The following TAFA2 variants were observed in gnomAD, a reference collection of about 807,000 sequenced individuals.
TAFA2 encodes the protein TAFA chemokine like family member 2.
Under a neutral mutation model 18.8 loss-of-function variants are expected in TAFA2, and 7 were observed. That is an observed-to-expected ratio of 0.37 (90% confidence interval 0.21 to 0.70). The LOEUF (loss-of-function observed/expected upper bound fraction) is 0.70. Ranked by LOEUF, TAFA2 falls within the 30% of genes least tolerant of loss-of-function variation. The pLI is 0.53. For synonymous variants in TAFA2, 60 were observed against 54.2 expected, an observed-to-expected ratio of 1.11 and a Z score of -0.47; for missense variants, 122 against 158.1, an observed-to-expected ratio of 0.77 and a Z score of 1.23.
chr12:61,898,554 G>A (rs1299643268), intron 1 of TAFA2, among the ~76,000 whole-genome samples: 1 of 152,150 alleles, frequency 6.6e-6, no homozygotes, highest in African/African-American at 2.4e-5. Context: ...CCAAGGCTTG[G>A]GGCTTCCACC....
chr12:61,978,529 G>A (rs1047198231), intron 1 of TAFA2, among the ~76,000 whole-genome samples: 1 of 151,904 alleles, frequency 6.6e-6, no homozygotes, highest in South Asian at 2.1e-4. Context: ...GAAGTACCAC[G>A]GGGGATGCAG....
At chr12:61,800,522 C>T (rs1043321025) in intron 2 of TAFA2, among the ~76,000 whole-genome samples, 19 of 152,228 alleles carry the variant, frequency 1.2e-4, no homozygotes, top group Non-Finnish European at 2.2e-4. Context: ...AGCAAATACT[C>T]AGGAAATTGG....
intron 1 of TAFA2, chr12:62,258,287 T>C (rs922153338): frequency 6.6e-6 from 1 of 152,218 alleles, no homozygotes; most frequent in African/African-American, 2.4e-5. Context: ...AAATCTGATG[T>C]ATAATTCAAA....
At chr12:61,773,906 T>G (rs73324041) in intron 2 of TAFA2, among the ~76,000 whole-genome samples, 1 of 151,228 alleles carries the variant, frequency 6.6e-6, no homozygotes, top group South Asian at 2.1e-4. Flanking sequence ...ATCTGCAGAG[T>G]TGACAGACAA....
At chr12:61,842,229 G>A (rs908125261) in intron 2 of TAFA2, among the ~76,000 whole-genome samples, 11 of 151,688 alleles carry the variant, frequency 7.3e-5, no homozygotes, top group Non-Finnish European at 1.6e-4. Context: ...CAAAAATATG[G>A]TATATGGTAT....
intron 1 of TAFA2, among the ~76,000 whole-genome samples, chr12:62,114,043 A>T (rs942321562): frequency 6.6e-6 from 1 of 152,160 alleles, no homozygotes; most frequent in Admixed American, 6.6e-5. Context: ...GGGTGTGAAA[A>T]AAAACCTCCT....
At chr12:62,153,921 A>ATTATATTATGTTATGTTATG (rs1197679735) in intron 1 of TAFA2, among the ~76,000 whole-genome samples, 23 of 124,126 alleles carry the variant, frequency 1.9e-4, no homozygotes, top group African/African-American at 7.3e-4. Context: ...ACATAACAAA[A>ATTATATTATGTTATGTTATG]TTATGTTATG....
chr12:62,235,263 C>G (rs1292762001), intron 1 of TAFA2: 2 of 659,984 alleles, frequency 3.0e-6, no homozygotes, highest in Admixed American at 2.3e-5. Flanking sequence ...CTGTGGCCCC[C>G]CTTCATCCAC....
intron 2 of TAFA2, among the ~76,000 whole-genome samples, chr12:61,828,253 T>C (rs1872594670): frequency 1.3e-5 from 2 of 151,918 alleles, no homozygotes; most frequent in Non-Finnish European, 2.9e-5. Context: ...AATAATCTGA[T>C]AACACAGCAA....
chr12:61,931,459 C>A (rs896020093), intron 1 of TAFA2, among the ~76,000 whole-genome samples: 1 of 152,182 alleles, frequency 6.6e-6, no homozygotes, highest in African/African-American at 2.4e-5. Flanking sequence ...AAATTGGATA[C>A]CTTTTAATGT....
At chr12:62,040,781 G>T (rs945207206) in intron 1 of TAFA2, among the ~76,000 whole-genome samples, 2 of 152,116 alleles carry the variant, frequency 1.3e-5, no homozygotes, top group Non-Finnish European at 2.9e-5. Context: ...ACACTAAGAG[G>T]CCATGTTTAA....
chr12:61,735,596 T>C (rs1166393300), intron 4 of TAFA2, among the ~76,000 whole-genome samples: 1 of 152,038 alleles, frequency 6.6e-6, no homozygotes, highest in East Asian at 1.9e-4. Flanking sequence ...GCTACCATTA[T>C]TGAGTAACTT....
At chr12:62,199,274 T>C (rs1335611237) in intron 1 of TAFA2, among the ~76,000 whole-genome samples, 1 of 152,186 alleles carries the variant, frequency 6.6e-6, no homozygotes, top group East Asian at 1.9e-4. Flanking sequence ...ACATGTACCA[T>C]TGTGGTTTGC....
chr12:62,230,112 AT>A (rs1298267103), intron 1 of TAFA2, among the ~76,000 whole-genome samples: 1 of 149,148 alleles, frequency 6.7e-6, no homozygotes, highest in Non-Finnish European at 1.5e-5. Context: ...TTTGGGTCTA[AT>A]TTTTTTTCTT....
intron 1 of TAFA2, among the ~76,000 whole-genome samples, chr12:61,928,258 C>T (rs1460441956): frequency 6.6e-6 from 1 of 152,096 alleles, no homozygotes; most frequent in Non-Finnish European, 1.5e-5. Context: ...TGCAATCTAT[C>T]CATCTGACAA....
chr12:62,206,541 T>C (rs1283438363), intron 1 of TAFA2, among the ~76,000 whole-genome samples: 1 of 152,188 alleles, frequency 6.6e-6, no homozygotes, highest in East Asian at 1.9e-4. Flanking sequence ...AACTTTTTTT[T>C]TTTTGAGACA....
At chr12:61,815,449 G>A (rs1400576536) in intron 2 of TAFA2, among the ~76,000 whole-genome samples, 1 of 151,148 alleles carries the variant, frequency 6.6e-6, no homozygotes, top group African/African-American at 2.5e-5. Flanking sequence ...GGCGGATCAC[G>A]AGGTCAGGTG....
At chr12:61,940,291 T>C (rs941984518) in intron 1 of TAFA2, among the ~76,000 whole-genome samples, 4 of 152,186 alleles carry the variant, frequency 2.6e-5, no homozygotes, top group Non-Finnish European at 4.4e-5. Context: ...TTCTTAATAG[T>C]TTGTGAACAA....
chr12:61,998,029 A>G (rs1880257687), intron 1 of TAFA2, among the ~76,000 whole-genome samples: 2 of 152,148 alleles, frequency 1.3e-5, no homozygotes, highest in South Asian at 4.1e-4. Flanking sequence ...CATGGGTCAG[A>G]TGTAAATTAC....
Sources: allele counts gnomAD v4.1 joint callset (sites outside exome capture counted in the v4.1 genomes callset), GRCh38; gene constraint gnomAD v4.1.1; transcripts MANE v1.5; gene names NCBI Gene and HGNC (gene_info 2026-07-23, HGNC 2026-07-21).